MGAT4C: variants seen among roughly 807,000 people sequenced by gnomAD.
MGAT4C encodes the protein alpha-1,3-mannosyl-glycoprotein 4-beta-N-acetylglucosaminyltransferase C.
Under a neutral mutation model 40.1 loss-of-function variants are expected in MGAT4C, and 19 were observed. The observed-to-expected ratio is 0.47, with a 90% CI of 0.33 to 0.70. The LOEUF is 0.70. MGAT4C is among the 30% of genes least tolerant of loss of function. The pLI is 0.02. For missense variants in MGAT4C, 491 were observed against 563.2 expected (o/e 0.87, Z 1.30); for synonymous variants, 181 against 187.1 (o/e 0.97, Z 0.27).
At chr12:86,222,803 T>C (rs903367506) in intron 1 of MGAT4C, among the ~76,000 whole-genome samples, 7 of 152,182 alleles carry the variant, frequency 4.6e-5, no homozygotes, top group African/African-American at 1.7e-4. Context: ...AGAAGGTTAA[T>C]GTCAAGATTA....
intron 1 of MGAT4C, among the ~76,000 whole-genome samples, chr12:86,083,517 G>A (rs921452463): frequency 6.6e-6 from 1 of 151,834 alleles, no homozygotes; most frequent in African/African-American, 2.4e-5. Flanking sequence ...ACAAGTATCT[G>A]CACTCTAGTT....
chr12:86,223,344 T>C (rs1306626298), intron 1 of MGAT4C, among the ~76,000 whole-genome samples: 1 of 152,176 alleles, frequency 6.6e-6, no homozygotes, highest in Non-Finnish European at 1.5e-5. Context: ...CAAAAGTCTA[T>C]GTCCTGCCCT....
intron 1 of MGAT4C, among the ~76,000 whole-genome samples, chr12:86,072,983 G>A (rs1462966833): frequency 6.6e-6 from 1 of 152,086 alleles, no homozygotes; most frequent in Admixed American, 6.6e-5. Context: ...TTTATGCAAT[G>A]CATACTCCAA....
At chr12:86,542,648 T>G (rs561839503) in intron 2 of MGAT4C, among the ~76,000 whole-genome samples, 8 of 152,210 alleles carry the variant, frequency 5.3e-5, no homozygotes, top group Non-Finnish European at 1.2e-4. Flanking sequence ...AGCAACTATA[T>G]CAGTACCTGA....
intron 1 of MGAT4C, among the ~76,000 whole-genome samples, chr12:86,062,195 G>C (rs916919605): frequency 2.6e-5 from 4 of 152,148 alleles, no homozygotes; most frequent in African/African-American, 4.8e-5. Context: ...AGCAATCTTT[G>C]CTATTCTGCA....
At position 86,533,568 on chromosome 12, in the gene MGAT4C, G is replaced by A. The variant is rs188850060; in HGVS notation, c.-228-98303C>T. 3.1e-3 allele frequency among the ~76,000 whole-genome samples: 468 copies of A among 151,506 alleles called. 1 individual carries two copies. Among genetic ancestry groups the A allele is most frequent in the Middle Eastern group, 7.0e-3 (2 of 286 alleles). On this transcript the variant is annotated intron_variant, in intron 2 of 7. Transcript: ENST00000548651. Reference sequence around the variant, plus strand: ...GATAGGCATTTATATGTGTGTGTGCGTGTATGTATATACATAATTAATTAA... The same window carrying A: ...GATAGGCATTTATATGTGTGTGTGCATGTATGTATATACATAATTAATTAA...
chr12:86,463,174 T>C (rs1183888848), intron 2 of MGAT4C, among the ~76,000 whole-genome samples: 3 of 152,168 alleles, frequency 2.0e-5, no homozygotes, highest in African/African-American at 7.2e-5. Flanking sequence ...AATTAATTTA[T>C]AACTCATACA....
At chr12:86,630,624 T>C (rs892985735) in intron 2 of MGAT4C, among the ~76,000 whole-genome samples, 14 of 151,850 alleles carry the variant, frequency 9.2e-5, no homozygotes, top group Non-Finnish European at 1.3e-4. Flanking sequence ...AAGTAAACCA[T>C]CACATAAACA....
At chr12:86,249,370 C>T (rs1952171577) in intron 1 of MGAT4C, among the ~76,000 whole-genome samples, 1 of 152,084 alleles carries the variant, frequency 6.6e-6, no homozygotes. Context: ...ATTGATATAC[C>T]TAGTAAAGTT....
At chr12:86,312,131 C>T (rs535140280) in intron 4 of MGAT4C, among the ~76,000 whole-genome samples, 1 of 152,268 alleles carries the variant, frequency 6.6e-6, no homozygotes, top group African/African-American at 2.4e-5. Flanking sequence ...ACTGGATTCT[C>T]AAAATAACAT....
chr12:86,480,938 T>C (rs1210463555), intron 2 of MGAT4C, among the ~76,000 whole-genome samples: 1 of 151,860 alleles, frequency 6.6e-6, no homozygotes, highest in Non-Finnish European at 1.5e-5. Context: ...CACTCTGAAA[T>C]ACCCAGTCAC....
rs553322403 is a variant in MGAT4C at position 86,357,935 on chromosome 12, C to T, written c.-119-23808G>A. Among the ~76,000 whole-genome samples, 345 of 152,194 alleles carry T rather than the reference C, an allele frequency of 2.3e-3. 1 individual carries two copies. Among genetic ancestry groups the T allele is most frequent in the South Asian group, 5.0e-3 (24 of 4,820 alleles). On this transcript the variant is annotated intron_variant, in intron 3 of 7. Coordinates refer to the MGAT4C transcript ENST00000548651. Reference sequence around the variant, plus strand: ...ATATTATCCAGGAGAACTTCCCCAACCTAGCAAGGCAGGCCAACATTCAAA... The same window carrying T: ...ATATTATCCAGGAGAACTTCCCCAATCTAGCAAGGCAGGCCAACATTCAAA...
Position 86,808,037 on chromosome 12 carries a change from C to T in MGAT4C, c.-262+30629G>A, listed in dbSNP as rs541319713. Among the ~76,000 whole-genome samples the T allele has an allele frequency of 4.3e-4, 65 of 151,624 alleles. 1 individual carries two copies. In the South Asian group the frequency reaches 0.011, roughly 27 times the overall value. On this transcript the variant is annotated intron_variant, in intron 1 of 7. Transcript: ENST00000548651. ...TGGATATTAGACCTTTTCTGATGAACGGATAAATTCCTGGACACATACACC... is the reference window on the plus strand; with the variant it reads ...TGGATATTAGACCTTTTCTGATGAATGGATAAATTCCTGGACACATACACC...
chr12:86,570,808 C>A (rs1437120849), intron 2 of MGAT4C, among the ~76,000 whole-genome samples: 2 of 151,946 alleles, frequency 1.3e-5, no homozygotes, highest in African/African-American at 4.8e-5. Context: ...TTAATATTTT[C>A]TTTTAAATTT....
At chr12:86,478,601 T>A (rs1957881540) in intron 2 of MGAT4C, among the ~76,000 whole-genome samples, 1 of 152,164 alleles carries the variant, frequency 6.6e-6, no homozygotes, top group African/African-American at 2.4e-5. Flanking sequence ...TTTTCTGTTG[T>A]TTTCTTTAAA....
chr12:86,440,519 T>A (rs1957207860), intron 2 of MGAT4C, among the ~76,000 whole-genome samples: 1 of 151,982 alleles, frequency 6.6e-6, no homozygotes, highest in African/African-American at 2.4e-5. Context: ...CACAGCCAAC[T>A]CATACTGAAT....
intron 2 of MGAT4C, among the ~76,000 whole-genome samples, chr12:86,510,648 C>A (rs553118591): frequency 6.6e-6 from 1 of 152,198 alleles, no homozygotes; most frequent in African/African-American, 2.4e-5. Context: ...GGAGGAAGAT[C>A]TACCAAGCAA....
intron 1 of MGAT4C, among the ~76,000 whole-genome samples, chr12:86,065,276 C>T (rs934103653): frequency 6.6e-6 from 1 of 152,156 alleles, no homozygotes. Context: ...AATTTCAGGC[C>T]AATATCCCTG....
intron 1 of MGAT4C, among the ~76,000 whole-genome samples, chr12:86,057,417 A>G (rs61931133): frequency 0.071 from 10,880 of 152,252 alleles, 546 homozygotes; most frequent in Middle Eastern, 0.24. Context: ...GTTTGAATAA[A>G]TACATTTCTT....
Sources: gnomAD v4.1 joint callset for allele counts (sites outside exome capture counted in the v4.1 genomes callset) on GRCh38, gnomAD v4.1.1 for gene constraint, MANE v1.5 for transcripts, NCBI Gene and HGNC (gene_info 2026-07-23, HGNC 2026-07-21) for gene names.